The following DRC1 variants were observed in gnomAD, a reference collection of about 807,000 sequenced individuals.
DRC1 encodes the protein dynein regulatory complex subunit 1, also known as dynein regulatory complex protein 1.
DRC1 carries 74 observed loss-of-function variants against 98.7 expected under a neutral mutation model. That is an observed-to-expected ratio of 0.75 (90% confidence interval 0.62 to 0.91). DRC1 has a LOEUF of 0.91. Ranked by LOEUF, DRC1 falls within the 40% of genes least tolerant of loss-of-function variation. The pLI is 0.00. For missense variants in DRC1, 875 were observed against 886.0 expected, an observed-to-expected ratio of 0.99 and a Z score of 0.16; for synonymous variants, 336 against 334.1, an observed-to-expected ratio of 1.01 and a Z score of -0.06.
intron 1 of DRC1, among the ~76,000 whole-genome samples, chr2:26,403,223 C>T (rs1678308738): frequency 6.6e-6 from 1 of 152,198 alleles, no homozygotes; most frequent in African/African-American, 2.4e-5. Flanking sequence ...CAGCTACTGT[C>T]AACATCCTGC....
chr2:26,443,299 T>C (rs1310051393), intron 8 of DRC1, among the ~76,000 whole-genome samples: 2 of 152,198 alleles, frequency 1.3e-5, no homozygotes, highest in Non-Finnish European at 2.9e-5. Flanking sequence ...AAGTCTGAAG[T>C]ATGGGCCTGG....
chr2:26,407,362 C>G (rs1216739171), intron 1 of DRC1, among the ~76,000 whole-genome samples: 1 of 152,108 alleles, frequency 6.6e-6, no homozygotes, highest in Non-Finnish European at 1.5e-5. Context: ...GTGAAGAAAG[C>G]TGAGAACCCC....
At chr2:26,446,493 C>CT (rs1458211847) in intron 10 of DRC1, among the ~76,000 whole-genome samples, 3 of 151,902 alleles carry the variant, frequency 2.0e-5, no homozygotes, top group African/African-American at 4.8e-5. Context: ...TATAGGATTT[C>CT]TTTTTTTTGG....
chr2:26,453,631 G>A (rs966576642), intron 14 of DRC1, 82 bp downstream of exon 14: 7 of 1,376,870 alleles, frequency 5.1e-6, no homozygotes, highest in Non-Finnish European at 7.0e-6. Context: ...GAGCCAGTGA[G>A]TGGAGAAGAG....
chr2:26,411,525 A>G (rs1027822699), intron 1 of DRC1, among the ~76,000 whole-genome samples: 1 of 151,964 alleles, frequency 6.6e-6, no homozygotes, highest in African/African-American at 2.4e-5. Context: ...AGTGCTAAGC[A>G]GTAAAAAATG....
intron 13 of DRC1, among the ~76,000 whole-genome samples, chr2:26,452,602 C>A (rs1664035283): frequency 6.6e-6 from 1 of 152,184 alleles, no homozygotes; most frequent in Non-Finnish European, 1.5e-5. Flanking sequence ...ATTCACTGTA[C>A]ATTGTTTGAA....
chr2:26,418,637 ATT>A (rs1367743054), intron 2 of DRC1, among the ~76,000 whole-genome samples: 29 of 96,096 alleles, frequency 3.0e-4, no homozygotes, highest in African/African-American at 1.1e-3. Context: ...ATTATATATA[ATT>A]TATATAATAT....
At chr2:26,422,217 G>C (rs1222372169) in intron 3 of DRC1, among the ~76,000 whole-genome samples, 1 of 152,190 alleles carries the variant, frequency 6.6e-6, no homozygotes, top group Non-Finnish European at 1.5e-5. Context: ...GCTTGGGAAT[G>C]GCATGATAGC....
Position 26,454,780 on chromosome 2 carries a change from G to T in DRC1, c.2053G>T (p.Glu685Ter). Reference sequence around the variant, plus strand: ...CTGGGATGCCCTCTACACAGCCTTGGAGAAGTACCAGTAAGTGTGCATGTC... The same window carrying T: ...CTGGGATGCCCTCTACACAGCCTTGTAGAAGTACCAGTAAGTGTGCATGTC... ...NLWDALYTAL[E>*]KYHLVLTQRA... The change falls in exon 15 of 17, where the codon GAG becomes TAG. Residue 685 changes from glutamate (E) to a stop codon, truncating the protein, a stop_gained. Transcript: ENST00000288710. LOFTEE classifies it high-confidence loss of function. This position sits in a 1 kb window ranked among gnomAD's most constrained non-coding sequence, Gnocchi z 5.2. 6.2e-7 allele frequency: 1 copy of T among 1,614,106 alleles called. No individual in the cohort carries two copies. Among genetic ancestry groups the T allele is most frequent in the Non-Finnish European group, 8.5e-7 (1 of 1,179,968 alleles).
intron 7 of DRC1, among the ~76,000 whole-genome samples, chr2:26,435,239 A>G (rs1378848035): frequency 6.6e-6 from 1 of 152,206 alleles, no homozygotes; most frequent in Admixed American, 6.5e-5. Context: ...GTCAACACTT[A>G]TGCTACCTTT....
chr2:26,440,568 A>G (rs755694277), intron 8 of DRC1, 51 bp downstream of exon 8: 8 of 1,557,470 alleles, frequency 5.1e-6, no homozygotes, highest in Non-Finnish European at 6.9e-6. Flanking sequence ...TGCTGAGAAT[A>G]GGGATGGATA....
Position 26,444,902 on chromosome 2 carries a change from C to T in DRC1, c.1350C>T (p.Pro450=), listed in dbSNP as rs1238027745. 1.9e-6 allele frequency: 3 copies of T among 1,614,056 alleles called. No individual in the cohort carries two copies. The highest frequency in any genetic ancestry group is 1.7e-6 in the Non-Finnish European group (2 of 1,180,022). The change falls in exon 10 of 17, where the codon CCC becomes CCT. Residue 450 remains proline, a synonymous_variant. Transcript: ENST00000288710. ...ATGTTGGGCCTATTTCTCAGCAGCC[C>T]CAGAAGTCCGCCACACAGATAGTAG... ...LNNVGPISQQ[P]QKSATQIVEE...
At chr2:26,411,444 C>G (rs59305489) in intron 1 of DRC1, among the ~76,000 whole-genome samples, 67,951 of 152,044 alleles carry the variant, frequency 0.45, 17,547 homozygotes, top group Non-Finnish European at 0.6. Context: ...TAGCGCATTT[C>G]AATTTGCACC....
chr2:26,447,933 T>C (rs959867222), intron 10 of DRC1, among the ~76,000 whole-genome samples: 3 of 151,604 alleles, frequency 2.0e-5, no homozygotes, highest in Non-Finnish European at 4.4e-5. Flanking sequence ...TTGCTGTTAA[T>C]ATTTCTCTGG....
intron 16 of DRC1, 143 bp from the exon 17 acceptor site, chr2:26,456,318 T>G: frequency 1.0e-6 from 1 of 965,122 alleles, no homozygotes; most frequent in Non-Finnish European, 1.6e-6. Context: ...AGGCAGTCTG[T>G]GGGTGTTCAG....
At chr2:26,439,561 G>T (rs1179168928) in intron 7 of DRC1, among the ~76,000 whole-genome samples, 2 of 152,078 alleles carry the variant, frequency 1.3e-5, no homozygotes, top group Non-Finnish European at 2.9e-5. Context: ...CCTTTTAAAT[G>T]AGCCTGGGTT....
chr2:26,418,620 AATATAAAT>A (rs1678915507), intron 2 of DRC1, among the ~76,000 whole-genome samples: 1 of 89,438 alleles, frequency 1.1e-5, no homozygotes, highest in South Asian at 2.8e-4. Context: ...AATTATATAT[AATATAAAT>A]TATATATAAT....
chr2:26,429,185 GATT>G (rs10555604), intron 4 of DRC1, among the ~76,000 whole-genome samples: 8,666 of 30,468 alleles, frequency 0.28, 530 homozygotes, highest in Middle Eastern at 0.41. Flanking sequence ...TTGTACAGAT[GATT>G]ATTATTATTA....
rs1225170060 is a variant in DRC1, at chr2:26,424,413, C to T, written c.499C>T (p.Leu167Phe). ...TACCCAACAGCTGCACTGTGCTGGA[C>T]TCTTAGAAGATAAGAATAAACTCAT... ...LNTQQLHCAG[L>F]LEDKNKLISE... is the part of the protein sequence containing the mutation. The change falls in exon 4 of 17, where the codon CTC becomes TTC. Residue 167 changes from leucine to phenylalanine, a missense_variant. By Grantham distance (22) the Leu-to-Phe change is conservative. Coordinates refer to ENST00000288710, the MANE Select transcript of DRC1 (RefSeq NM_145038.5). 2 of 1,613,492 alleles carry T rather than the reference C, an allele frequency of 1.2e-6. No individual in the cohort carries two copies. Among genetic ancestry groups the T allele is most frequent in the African/African-American group, 2.7e-5 (2 of 74,858 alleles).
Sources: allele counts gnomAD v4.1 joint callset (sites outside exome capture counted in the v4.1 genomes callset), GRCh38; gene constraint gnomAD v4.1.1; non-coding constraint Gnocchi (gnomAD v3.1); transcripts MANE v1.5; gene names NCBI Gene and HGNC (gene_info 2026-07-23, HGNC 2026-07-21).